TXNRD2: variants seen among roughly 807,000 people sequenced by gnomAD.
TXNRD2 encodes thioredoxin reductase 2, also known as thioredoxin reductase 2, mitochondrial.
In TXNRD2, 67 loss-of-function variants were observed where a neutral mutation model predicts 70.8. The observed-to-expected ratio is 0.95, with a 90% CI of 0.78 to 1.16. TXNRD2 has a LOEUF of 1.16. Among genes scored for constraint, TXNRD2 ranks in the 50% most tolerant of loss-of-function variants. The probability of loss-of-function intolerance (pLI) is 0.00; values close to 1 mark genes in which losing one functional copy is unlikely to be tolerated. For missense variants in TXNRD2, 644 were observed against 719.9 expected (o/e 0.89, Z 1.21); for synonymous variants, 301 against 295.8 (o/e 1.02, Z -0.18).
Position 19,907,007 on chromosome 22 carries a change from A to G in TXNRD2, c.662+4370T>C, listed in dbSNP as rs557787422. Reference sequence around the variant, plus strand: ...GTGGGTAGCAGTGACCGCTCTCAGGAGAGTGTGGGCGCACCGTAAGTAGCA... The same window carrying G: ...GTGGGTAGCAGTGACCGCTCTCAGGGGAGTGTGGGCGCACCGTAAGTAGCA... On this transcript the variant is annotated intron_variant, in intron 8 of 17. Coordinates refer to ENST00000400521, the MANE Select transcript of TXNRD2 (RefSeq NM_006440.5). Among the ~76,000 whole-genome samples, 8 of 45,504 alleles carry G rather than the reference A, an allele frequency of 1.8e-4. No homozygotes were observed. In the East Asian group the frequency reaches 3.6e-3, roughly 21 times the overall value. The allele number at this position is 45,504 out of a possible 152,430, so 29.9% of individuals were successfully genotyped here. A position where few individuals can be genotyped will look rare whatever the true frequency, so the allele number is the denominator to read the frequency against.
At chr22:19,881,252 C>T (rs886442152) in intron 12 of TXNRD2, 19 of 397,400 alleles carry the variant, frequency 4.8e-5, no homozygotes, top group Middle Eastern at 6.2e-4. Context: ...GGTTCCAGCA[C>T]CGTCCTCTGG....
chr22:19,925,093 G>A lies in TXNRD2; in HGVS notation c.173-5494C>T, dbSNP rs560263345. ...AGGTCAGGAGATCGAGACCATCCTGGCTAACACGGCGAAGCCCCGTTTCTA... is the reference window on the plus strand; with the variant it reads ...AGGTCAGGAGATCGAGACCATCCTGACTAACACGGCGAAGCCCCGTTTCTA... On this transcript the variant is annotated intron_variant, in intron 2 of 17. Transcript: ENST00000400521. 9.3e-5 allele frequency among the ~76,000 whole-genome samples: 14 copies of A among 149,894 alleles called. 1 individual carries two copies. The highest frequency in any genetic ancestry group is 6.3e-4 in the South Asian group (3 of 4,796).
chr22:19,880,640 A>G lies in TXNRD2; in HGVS notation c.1164T>C (p.Asp388=). 6.2e-7 allele frequency: 1 copy of G among 1,613,306 alleles called. No individual in the cohort carries two copies. Among genetic ancestry groups the G allele is most frequent in the Non-Finnish European group, 8.5e-7 (1 of 1,180,004 alleles). ...AACTCACATTGTCGTAGTCCATCAG[A>G]TCTGAGGACCCGCCGAAGAGCCGCT... ...LVQRLFGGSS[D]LMDYDNVPTT... is the part of the protein sequence containing the mutation. Residue 388 remains aspartate, a synonymous_variant, in exon 13 of 18, where the codon GAT becomes GAC. Coordinates refer to ENST00000400521, the MANE Select transcript of TXNRD2 (RefSeq NM_006440.5).
At chr22:19,932,369 TGG>T in intron 1 of TXNRD2, 1 of 1,612,632 alleles carries the variant, frequency 6.2e-7, no homozygotes, top group Non-Finnish European at 8.5e-7. Flanking sequence ...TGGTCCTCCA[TGG>T]TGGCTCACTG....
At chr22:19,915,686 G>T in intron 6 of TXNRD2, 79 bp downstream of exon 6, 1 of 1,345,382 alleles carries the variant, frequency 7.4e-7, no homozygotes, top group Non-Finnish European at 1.1e-6. Context: ...ACAGCACCCA[G>T]GCCAAACACA....
intron 11 of TXNRD2, among the ~76,000 whole-genome samples, chr22:19,892,525 G>A (rs1423984292): frequency 1.3e-5 from 2 of 152,268 alleles, no homozygotes; most frequent in Non-Finnish European, 2.9e-5. Flanking sequence ...GGATGGGCGT[G>A]CAGGCCACGG....
chr22:19,904,927 TTAAAATAAACATGGGGAATATTTA>T (rs1359112331), intron 8 of TXNRD2, among the ~76,000 whole-genome samples: 1 of 152,094 alleles, frequency 6.6e-6, no homozygotes, highest in Admixed American at 6.5e-5. Context: ...TAAAGGCGAG[TTAAAATAAACATGGGGAATATTTA>T]TAAGGCAAAT....
intron 11 of TXNRD2, among the ~76,000 whole-genome samples, chr22:19,885,987 G>C (rs537940268): frequency 8.5e-5 from 13 of 152,380 alleles, no homozygotes; most frequent in African/African-American, 2.9e-4. Flanking sequence ...ATCACTCTGG[G>C]AAGTCGGTGG....
At chr22:19,914,506 A>G (rs1389503184) in intron 7 of TXNRD2, among the ~76,000 whole-genome samples, 2 of 151,896 alleles carry the variant, frequency 1.3e-5, no homozygotes, top group Admixed American at 6.5e-5. Flanking sequence ...AGGGACACAC[A>G]CATACGAGTC....
intron 1 of TXNRD2, among the ~76,000 whole-genome samples, chr22:19,931,328 C>T (rs570213941): frequency 2.6e-5 from 4 of 152,208 alleles, no homozygotes; most frequent in Admixed American, 1.3e-4. Flanking sequence ...GCAAATCACA[C>T]GCACACCATA....
intron 1 of TXNRD2, among the ~76,000 whole-genome samples, chr22:19,934,395 A>AAAAAC (rs994660579): frequency 6.6e-6 from 1 of 151,100 alleles, no homozygotes; most frequent in Non-Finnish European, 1.5e-5. Flanking sequence ...AAAAAAAAAA[A>AAAAAC]AAAAAACTGC....
rs1401941259 is a variant in TXNRD2 at position 19,878,183 on chromosome 22, A to G, written c.1352T>C (p.Val451Ala). 6.2e-7 allele frequency: 1 copy of G among 1,612,736 alleles called. No individual in the cohort carries two copies. Among genetic ancestry groups the G allele is most frequent in the Admixed American group, 1.7e-5 (1 of 60,002 alleles). Residue 451 changes from valine (V) to alanine (A), a missense_variant, in exon 16 of 18, where the codon GTG becomes GCG. Val to Ala is a moderately conservative substitution (Grantham distance 64). This residue lies in a region of TXNRD2 where 566 missense variants were observed against 645.0 expected (regional missense o/e 0.88). Coordinates refer to ENST00000400521, the MANE Select transcript of TXNRD2 (RefSeq NM_006440.5). Reference sequence around the variant, plus strand: ...CAGCTGTGGGGGCTCCCTCAGGCACACCATCTGAAAGCCGCACATCTCAGC... The same window carrying G: ...CAGCTGTGGGGGCTCCCTCAGGCACGCCATCTGAAAGCCGCACATCTCAGC... Reference protein sequence around the residue: ...RDASQCYVKMVCLREPPQLVL... With the variant: ...RDASQCYVKMACLREPPQLVL...
At chr22:19,887,762 A>G (rs1939095527) in intron 11 of TXNRD2, 1 of 152,292 alleles carries the variant, frequency 6.6e-6, no homozygotes, top group South Asian at 2.1e-4. Context: ...TGGGAGCCAG[A>G]GGTGGCCGAA....
intron 11 of TXNRD2, among the ~76,000 whole-genome samples, chr22:19,885,543 CAG>C (rs904363427): frequency 1.2e-4 from 18 of 152,358 alleles, no homozygotes; most frequent in African/African-American, 4.1e-4. Flanking sequence ...AGCCCAGACA[CAG>C]GGGATGCCAG....
At position 19,911,408 on chromosome 22, in the gene TXNRD2, T is replaced by C. The variant is rs1395904348; in HGVS notation, c.631A>G (p.Ile211Val). The change falls in exon 8 of 18, where the codon ATC (isoleucine) becomes GTC (valine). Residue 211 changes from isoleucine (I) to valine (V), a missense_variant. Ile to Val is a conservative substitution (Grantham distance 29). Around this residue, in one of 3 missense-constraint regions of TXNRD2, gnomAD observed 566 missense variants for 645.0 expected, o/e 0.88. Coordinates refer to ENST00000400521, the MANE Select transcript of TXNRD2 (RefSeq NM_006440.5). ...ALEYGITSDD[I>V]FWLKESPGKT... is the part of the protein sequence containing the mutation. Reference sequence around the variant, plus strand: ...CCAGGGGATTCCTTCAGCCAGAAGATGTCATCACTTGTGATTCCATATTCC... The same window carrying C: ...CCAGGGGATTCCTTCAGCCAGAAGACGTCATCACTTGTGATTCCATATTCC... The C allele has an allele frequency of 4.3e-6, 7 of 1,614,024 alleles. No individual in the cohort carries two copies. The South Asian group carries it at 6.6e-5, about 15-fold the overall frequency.
chr22:19,881,406 CG>C (rs1938773615), intron 12 of TXNRD2: 4 of 243,076 alleles, frequency 1.6e-5, no homozygotes, highest in African/African-American at 9.1e-5. Context: ...TCCCGGCGGG[CG>C]GCGCACAGCA....
intron 7 of TXNRD2, among the ~76,000 whole-genome samples, chr22:19,912,083 G>A (rs559639722): frequency 2.0e-5 from 3 of 152,180 alleles, no homozygotes; most frequent in Admixed American, 6.5e-5. Context: ...TCACACTCTC[G>A]AGGGCTGGCC....
rs1014379604 is a variant in TXNRD2 at position 19,878,006 on chromosome 22, A to G, written c.1445+84T>C. ...GCCACATAAATGCCGCAAGAGTGGC[A>G]GCAGCTCTCCACTGTAGGACTGCCG... On this transcript the variant is annotated intron_variant, in intron 16 of 17. Coordinates refer to ENST00000400521, the MANE Select transcript of TXNRD2 (RefSeq NM_006440.5). 3 of 1,136,088 alleles carry G rather than the reference A, an allele frequency of 2.6e-6. No homozygotes were observed. In the African/African-American group the frequency reaches 4.6e-5, roughly 17 times the overall value. 70.4% of individuals were successfully genotyped at this position (1,136,088 alleles called of 1,614,324 possible). A position where few individuals can be genotyped will look rare whatever the true frequency, so the allele number is the denominator to read the frequency against.
intron 13 of TXNRD2, 134 bp downstream of exon 13, chr22:19,880,488 C>A: frequency 1.1e-6 from 1 of 896,172 alleles, no homozygotes; most frequent in Non-Finnish European, 1.8e-6. Context: ...ACAACACACC[C>A]ACATAAGCGC....
Sources: allele counts gnomAD v4.1 joint callset (sites outside exome capture counted in the v4.1 genomes callset), GRCh38; gene constraint gnomAD v4.1.1; regional missense constraint gnomAD v4.1.1; transcripts MANE v1.5; gene names NCBI Gene and HGNC (gene_info 2026-07-23, HGNC 2026-07-21).